Variants in KIAA1671 observed in about 807,000 individuals in gnomAD.
The protein encoded by KIAA1671 is uncharacterized protein KIAA1671.
KIAA1671 carries 52 observed loss-of-function variants against 131.2 expected under a neutral mutation model. That is an observed-to-expected ratio of 0.40 (90% CI 0.32 to 0.50). The LOEUF (loss-of-function observed/expected upper bound fraction) is 0.50. Ranked by LOEUF, KIAA1671 falls within the 20% of genes least tolerant of loss-of-function variation. The probability of loss-of-function intolerance (pLI) is 0.73; values close to 1 mark genes in which losing one functional copy is unlikely to be tolerated. For synonymous variants in KIAA1671, 1,003 were observed against 961.6 expected (o/e 1.04, Z -0.80); for missense variants, 2,360 against 2,364.2 (o/e 1.00, Z 0.04).
At chr22:25,119,469 G>A (rs1341239792) in intron 6 of KIAA1671, among the ~76,000 whole-genome samples, 1 of 152,216 alleles carries the variant, frequency 6.6e-6, no homozygotes, top group African/African-American at 2.4e-5. Context: ...TTTTAATTGA[G>A]TACCTGTTTT....
chr22:25,112,375 G>A, intron 6 of KIAA1671: 1 of 399,092 alleles, frequency 2.5e-6, no homozygotes, highest in Non-Finnish European at 4.4e-6. Context: ...CCCGGAGTCG[G>A]GAATCCTTCC....
At chr22:25,098,370 C>T (rs1162373395) in intron 6 of KIAA1671, among the ~76,000 whole-genome samples, 2 of 152,136 alleles carry the variant, frequency 1.3e-5, no homozygotes, top group Non-Finnish European at 2.9e-5. Flanking sequence ...TACCGAATGC[C>T]TCCAGTGTGC....
chr22:25,185,938 C>T (rs1934461891), intron 11 of KIAA1671: 1 of 152,142 alleles, frequency 6.6e-6, no homozygotes, highest in Non-Finnish European at 1.5e-5. Flanking sequence ...CACTGTTAAT[C>T]CATGAAAGTT....
intron 6 of KIAA1671, among the ~76,000 whole-genome samples, chr22:25,120,899 C>T (rs567962310): frequency 6.6e-6 from 1 of 152,172 alleles, no homozygotes; most frequent in Non-Finnish European, 1.5e-5. Flanking sequence ...CAGGAGTGAC[C>T]CTGCAGGGGC....
chr22:24,995,979 T>C (rs887037249), intron 1 of KIAA1671, among the ~76,000 whole-genome samples: 7 of 152,220 alleles, frequency 4.6e-5, no homozygotes, highest in African/African-American at 1.7e-4. Context: ...CTGCATGTCA[T>C]CCCCTGACCA....
chr22:25,077,832 C>T (rs921127759), intron 6 of KIAA1671, among the ~76,000 whole-genome samples: 2 of 152,210 alleles, frequency 1.3e-5, no homozygotes, highest in Non-Finnish European at 2.9e-5. Flanking sequence ...TCCCCAGACC[C>T]TCTTGCTACT....
At chr22:25,085,162 A>G (rs1369712846) in intron 6 of KIAA1671, among the ~76,000 whole-genome samples, 1 of 152,216 alleles carries the variant, frequency 6.6e-6, no homozygotes, top group Non-Finnish European at 1.5e-5. Context: ...GGTGACATTC[A>G]CTGAGCACCT....
chr22:25,037,613 T>A (rs2145802085), intron 4 of KIAA1671, among the ~76,000 whole-genome samples: 1 of 152,136 alleles, frequency 6.6e-6, no homozygotes, highest in African/African-American at 2.4e-5. Context: ...AGTTCCAGAA[T>A]CTTCTATCAC....
At chr22:25,177,288 G>T in intron 8 of KIAA1671, 60 bp from the exon 9 acceptor site, 1 of 1,466,140 alleles carries the variant, frequency 6.8e-7, no homozygotes, top group Non-Finnish European at 9.2e-7. Context: ...ACTGTGTTGT[G>T]GTACCCTCCA....
chr22:25,035,014 G>A (rs1039949919), intron 4 of KIAA1671, among the ~76,000 whole-genome samples: 1 of 150,238 alleles, frequency 6.7e-6, no homozygotes, highest in East Asian at 2.0e-4. Context: ...TGGGACTACA[G>A]GCATAAGCCA....
intron 6 of KIAA1671, chr22:25,060,850 C>T (rs1928119644): frequency 6.6e-6 from 1 of 152,134 alleles, no homozygotes. Flanking sequence ...GCTTTTAAGC[C>T]GTTTTACATT....
At chr22:25,141,272 G>A (rs554155069) in intron 6 of KIAA1671, among the ~76,000 whole-genome samples, 8 of 151,778 alleles carry the variant, frequency 5.3e-5, no homozygotes, top group East Asian at 3.9e-4. Context: ...TCACTCTGTC[G>A]CCCAGGCTGG....
Position 25,181,793 on chromosome 22 carries a change from G to A in KIAA1671, c.5169G>A (p.Ala1723=), listed in dbSNP as rs377453107. 45 of 1,551,586 alleles carry A rather than the reference G, an allele frequency of 2.9e-5. No homozygotes were observed. The East Asian group carries it at 6.6e-4, about 23-fold the overall frequency. The change falls in exon 10 of 13, where the codon GCG becomes GCA. Residue 1723 remains alanine (A), a synonymous_variant. Transcript: ENST00000358431. ...TPVSHPQRMP[A]FPGMDPAVLK... is the part of the protein sequence containing the mutation. ...TCAGCCATCCTCAGAGGATGCCTGCGTTTCCAGGCATGGATCCGGCAGTGC... is the reference window on the plus strand; with the variant it reads ...TCAGCCATCCTCAGAGGATGCCTGCATTTCCAGGCATGGATCCGGCAGTGC...
At chr22:25,112,858 G>A (rs1480625994) in intron 6 of KIAA1671, among the ~76,000 whole-genome samples, 3 of 152,126 alleles carry the variant, frequency 2.0e-5, no homozygotes, top group South Asian at 4.1e-4. Flanking sequence ...CACAAGTGGC[G>A]GTGTCATGTG....
chr22:24,992,173 G>A (rs1434680128), intron 1 of KIAA1671, among the ~76,000 whole-genome samples: 3 of 152,202 alleles, frequency 2.0e-5, no homozygotes, highest in Admixed American at 1.3e-4. Context: ...TAATTGGGAC[G>A]GAGGATGGAG....
intron 6 of KIAA1671, among the ~76,000 whole-genome samples, chr22:25,084,189 G>A (rs1929567896): frequency 6.6e-6 from 1 of 152,164 alleles, no homozygotes; most frequent in Non-Finnish European, 1.5e-5. Flanking sequence ...TGGCTCCTGT[G>A]TGTATAGAAC....
chr22:25,130,800 A>G (rs1203741915), intron 6 of KIAA1671, among the ~76,000 whole-genome samples: 2 of 151,938 alleles, frequency 1.3e-5, no homozygotes, highest in African/African-American at 4.8e-5. Flanking sequence ...CCTCCTGGGG[A>G]AATAGCACAG....
At chr22:25,169,770 C>CTT (rs141447085) in intron 6 of KIAA1671, among the ~76,000 whole-genome samples, 4,942 of 152,306 alleles carry the variant, frequency 0.032, 274 homozygotes, top group African/African-American at 0.11. Flanking sequence ...CGTGCCCTCT[C>CTT]TGAGTGCCCA....
Position 25,049,365 on chromosome 22 carries a change from G to C in KIAA1671, c.4530+1G>C. 2 of 1,549,306 alleles carry C rather than the reference G, an allele frequency of 1.3e-6. No individual in the cohort carries two copies. Among genetic ancestry groups the C allele is most frequent in the Non-Finnish European group, 1.7e-6 (2 of 1,145,032 alleles). ...AGACAGGAGGAGTGGGCCCTTTGTG[G>C]TGAGTGATGCAACATGGCTGGAGAG... On this transcript the variant is annotated splice_donor_variant, in intron 6 of 12. Coordinates refer to ENST00000358431, the MANE Select transcript of KIAA1671 (RefSeq NM_001145206.2). LOFTEE classifies it high-confidence loss of function.
Sources: allele counts gnomAD v4.1 joint callset (sites outside exome capture counted in the v4.1 genomes callset), GRCh38; gene constraint gnomAD v4.1.1; transcripts MANE v1.5; gene names NCBI Gene and HGNC (gene_info 2026-07-23, HGNC 2026-07-21).